The following CACNG4 variants were observed in gnomAD, a reference collection of about 807,000 sequenced individuals.
The protein encoded by CACNG4 is voltage-dependent calcium channel gamma-4 subunit.
Under a neutral mutation model 22.9 loss-of-function variants are expected in CACNG4, and 8 were observed. The ratio of observed to expected loss-of-function variants is 0.35; its 90% confidence interval spans 0.21 to 0.63. The LOEUF (loss-of-function observed/expected upper bound fraction) is 0.63, where lower values mean the gene tolerates loss of function less well. Among genes scored for constraint, CACNG4 ranks in the 30% least tolerant of loss-of-function variants. The probability of loss-of-function intolerance (pLI) is 0.72; values close to 1 mark genes in which losing one functional copy is unlikely to be tolerated. For missense variants in CACNG4, 357 were observed against 455.4 expected (o/e 0.78, Z 1.97); for synonymous variants, 188 against 191.9 (o/e 0.98, Z 0.17).
intron 1 of CACNG4, among the ~76,000 whole-genome samples, chr17:66,992,674 G>A (rs1488580717): frequency 6.6e-6 from 1 of 152,242 alleles, no homozygotes; most frequent in African/African-American, 2.4e-5. Context: ...TTCCTGAGAA[G>A]GTAACAGAGC....
intron 1 of CACNG4, among the ~76,000 whole-genome samples, chr17:66,983,102 G>C (rs1049635234): frequency 6.6e-6 from 1 of 152,120 alleles, no homozygotes; most frequent in African/African-American, 2.4e-5. Context: ...TCTTCATTCG[G>C]CTATACCTCT....
chr17:66,965,944 G>A (rs527947801), intron 1 of CACNG4, among the ~76,000 whole-genome samples: 1 of 152,262 alleles, frequency 6.6e-6, no homozygotes, highest in Admixed American at 6.5e-5. Flanking sequence ...GACCTCAGTA[G>A]GAAACTAGGG....
At chr17:66,974,539 GATA>G (rs1356159044) in intron 1 of CACNG4, among the ~76,000 whole-genome samples, 1 of 152,150 alleles carries the variant, frequency 6.6e-6, no homozygotes, top group Non-Finnish European at 1.5e-5. Context: ...TGGAAAGTGG[GATA>G]ATGAGGCAGT....
At chr17:66,974,366 C>T (rs2035223078) in intron 1 of CACNG4, among the ~76,000 whole-genome samples, 1 of 152,134 alleles carries the variant, frequency 6.6e-6, no homozygotes. Context: ...GCCCCTTATT[C>T]GAGGGACATT....
intron 1 of CACNG4, among the ~76,000 whole-genome samples, chr17:66,974,738 G>A (rs2035225640): frequency 1.3e-5 from 2 of 152,168 alleles, no homozygotes. Context: ...GGACCCTTCT[G>A]GTGAAGCACC....
At chr17:66,977,613 T>C (rs1427050494) in intron 1 of CACNG4, among the ~76,000 whole-genome samples, 1 of 152,132 alleles carries the variant, frequency 6.6e-6, no homozygotes. Flanking sequence ...TTAAATGAGA[T>C]TGGACATGGG....
intron 1 of CACNG4, among the ~76,000 whole-genome samples, chr17:66,992,960 C>A (rs74556124): frequency 0.014 from 2,188 of 152,382 alleles, 26 homozygotes; most frequent in Middle Eastern, 0.061. Flanking sequence ...GAAGATCGGG[C>A]CCCTCTGTGT....
At chr17:66,987,044 A>G (rs996249341) in intron 1 of CACNG4, among the ~76,000 whole-genome samples, 1 of 152,208 alleles carries the variant, frequency 6.6e-6, no homozygotes, top group Admixed American at 6.5e-5. Flanking sequence ...ATTTACAGAA[A>G]AAAGACAGCA....
chr17:66,977,723 G>A (rs1362839124), intron 1 of CACNG4, among the ~76,000 whole-genome samples: 3 of 152,188 alleles, frequency 2.0e-5, no homozygotes, highest in African/African-American at 7.2e-5. Flanking sequence ...GCTACCACAC[G>A]CACCTGCAGG....
At chr17:67,014,943 C>CA (rs1163062678) in intron 1 of CACNG4, among the ~76,000 whole-genome samples, 10,961 of 95,276 alleles carry the variant, frequency 0.12, 1,186 homozygotes, top group African/African-American at 0.27. Flanking sequence ...TCTCCAAAAA[C>CA]AAAAAAAAAA....
rs891379462 is a variant in CACNG4 at position 67,032,730 on chromosome 17, T to G, written c.*1726T>G. 4 of 152,810 alleles carry G rather than the reference T, an allele frequency of 2.6e-5. No individual in the cohort carries two copies. Among genetic ancestry groups the G allele is most frequent in the African/African-American group, 7.2e-5 (3 of 41,464 alleles). 9.5% of individuals were successfully genotyped at this position (152,810 alleles called of 1,614,324 possible). Reference sequence around the variant, plus strand: ...GCCTTCGCTCCCATCAGGGTTGGCATCATCTGATGGCATGTCCAAGTGTGC... The same window carrying G: ...GCCTTCGCTCCCATCAGGGTTGGCAGCATCTGATGGCATGTCCAAGTGTGC... On this transcript the variant is annotated 3_prime_UTR_variant, in exon 4 of 4. Transcript: ENST00000262138.
intron 2 of CACNG4, among the ~76,000 whole-genome samples, chr17:67,023,270 CTT>C (rs3043068): frequency 7.5e-5 from 6 of 79,780 alleles, no homozygotes; most frequent in African/African-American, 2.0e-4. Flanking sequence ...AAGACCTCTT[CTT>C]TTTTTTTTTT....
chr17:67,030,704 T>A lies in CACNG4; in HGVS notation c.684T>A (p.Ser228=). The change falls in exon 4 of 4, where the codon TCT becomes TCA. Residue 228 remains serine, a synonymous_variant. Coordinates refer to ENST00000262138, the MANE Select transcript of CACNG4 (RefSeq NM_014405.4). The surrounding 1 kb of genome is among the most constrained non-coding windows in gnomAD (Gnocchi z 6.4). ...AATTCCTTAAGGCGTCTTCCTCTTC[T>A]CCTTATGCCAGGATGCCGAGCTACA... The part of the protein sequence containing the change: ...KREFLKASSS[S]PYARMPSYRY... The A allele has an allele frequency of 6.2e-7, 1 of 1,614,236 alleles. No individual in the cohort carries two copies. Among genetic ancestry groups the A allele is most frequent in the Non-Finnish European group, 8.5e-7 (1 of 1,180,042 alleles).
At chr17:67,022,811 G>A (rs947458712) in intron 2 of CACNG4, among the ~76,000 whole-genome samples, 5 of 152,194 alleles carry the variant, frequency 3.3e-5, no homozygotes, top group Admixed American at 6.5e-5. Flanking sequence ...CCCAAGCCTT[G>A]CTTCCCTCCC....
Position 66,984,515 on chromosome 17 carries a change from G to A in CACNG4, c.220+19384G>A, listed in dbSNP as rs756944632. Among the ~76,000 whole-genome samples, 3 of 152,168 alleles carry A rather than the reference G, an allele frequency of 2.0e-5. No homozygotes were observed. Among genetic ancestry groups the A allele is most frequent in the Admixed American group, 6.5e-5 (1 of 15,282 alleles). On this transcript the variant is annotated intron_variant, in intron 1 of 3. Transcript: ENST00000262138. The surrounding 1 kb of genome is among the most constrained non-coding windows in gnomAD (Gnocchi z 4.0). ...CTAGGTGATCCAGCAAATACTAGTCGAGAATGTGTGTGCCTAGCCCTGTGC... is the reference window on the plus strand; with the variant it reads ...CTAGGTGATCCAGCAAATACTAGTCAAGAATGTGTGTGCCTAGCCCTGTGC...
chr17:66,989,815 G>A lies in CACNG4; in HGVS notation c.220+24684G>A, dbSNP rs147036752. On this transcript the variant is annotated intron_variant, in intron 1 of 3. Coordinates refer to ENST00000262138, the MANE Select transcript of CACNG4 (RefSeq NM_014405.4). Reference sequence around the variant, plus strand: ...ACCGCCCACCAACCTCCCAATGTGGGTACTGTTCCTTTCCTGATTGACAGT... The same window carrying A: ...ACCGCCCACCAACCTCCCAATGTGGATACTGTTCCTTTCCTGATTGACAGT... Among the ~76,000 whole-genome samples the A allele has an allele frequency of 1.8e-3, 274 of 151,370 alleles. 12 individuals are homozygous for A. Among genetic ancestry groups the A allele is most frequent in the African/African-American group, 6.2e-3 (254 of 40,834 alleles).
intron 1 of CACNG4, among the ~76,000 whole-genome samples, chr17:66,965,827 C>A (rs1280920248): frequency 6.6e-6 from 1 of 152,132 alleles, no homozygotes; most frequent in Non-Finnish European, 1.5e-5. Flanking sequence ...CACGGAGTCA[C>A]CGGCCCGCTC....
intron 1 of CACNG4, among the ~76,000 whole-genome samples, chr17:66,991,038 G>A (rs2035337274): frequency 6.6e-6 from 1 of 152,150 alleles, no homozygotes; most frequent in African/African-American, 2.4e-5. Flanking sequence ...GCTGATATGA[G>A]GATTAGATGA....
At chr17:66,980,992 G>T (rs753031795) in intron 1 of CACNG4, among the ~76,000 whole-genome samples, 22 of 152,110 alleles carry the variant, frequency 1.4e-4, no homozygotes, top group Non-Finnish European at 2.4e-4. Context: ...TAAATAAAAA[G>T]AAAAAAATCT....
Sources: gnomAD v4.1 joint callset for allele counts (sites outside exome capture counted in the v4.1 genomes callset) on GRCh38, gnomAD v4.1.1 for gene constraint, Gnocchi (gnomAD v3.1) non-coding constraint, MANE v1.5 for transcripts, NCBI Gene and HGNC (gene_info 2026-07-23, HGNC 2026-07-21) for gene names.